Variants in SLC49A4 observed in about 807,000 individuals in gnomAD.
The protein encoded by SLC49A4 is solute carrier family 49 member 4.
A neutral mutation model predicts 50.6 loss-of-function variants in SLC49A4; 36 were observed. The observed-to-expected ratio is 0.71, with a 90% CI of 0.55 to 0.94. SLC49A4 has a LOEUF of 0.94. Ranked by LOEUF, SLC49A4 falls within the 40% of genes least tolerant of loss-of-function variation. The pLI is 0.00. For missense variants in SLC49A4, 503 were observed against 605.7 expected (o/e 0.83, Z 1.78); for synonymous variants, 248 against 241.2 (o/e 1.03, Z -0.26).
chr3:122,825,832 G>A (rs1936518283), intron 2 of SLC49A4, among the ~76,000 whole-genome samples: 1 of 151,934 alleles, frequency 6.6e-6, no homozygotes, highest in East Asian at 1.9e-4. Context: ...CTATTTCAAG[G>A]CAGCTCTTAA....
At position 122,849,349 on chromosome 3, in the gene SLC49A4, G is replaced by T. The variant is rs1338563900; in HGVS notation, c.942+3478G>T. Among the ~76,000 whole-genome samples the T allele has an allele frequency of 3.3e-5, 5 of 152,248 alleles. No individual in the cohort carries two copies. The East Asian group carries it at 9.6e-4, about 29-fold the overall frequency. ...TTCTATTGGGTATATACCCAGAAAT[G>T]GGATTGCTACATCATATGGTAGTTC... On this transcript the variant is annotated intron_variant, in intron 5 of 8. Transcript: ENST00000261038.
chr3:122,870,795 C>T (rs1937186661), intron 7 of SLC49A4, among the ~76,000 whole-genome samples: 1 of 150,836 alleles, frequency 6.6e-6, no homozygotes, highest in Admixed American at 6.6e-5. Context: ...GCCTGGGCAA[C>T]AGAGCAAGAC....
At chr3:122,856,951 C>T (rs1283008534) in intron 6 of SLC49A4, among the ~76,000 whole-genome samples, 2 of 151,804 alleles carry the variant, frequency 1.3e-5, no homozygotes, top group Non-Finnish European at 2.9e-5. Flanking sequence ...TAAGGTGCCT[C>T]TTTCCATATT....
At chr3:122,811,469 T>C (rs974123388) in intron 2 of SLC49A4, among the ~76,000 whole-genome samples, 1 of 152,248 alleles carries the variant, frequency 6.6e-6, no homozygotes, top group Non-Finnish European at 1.5e-5. Context: ...ACTGCTGATG[T>C]GTGAGCAGTT....
intron 3 of SLC49A4, among the ~76,000 whole-genome samples, chr3:122,829,589 C>G (rs1448262348): frequency 6.6e-6 from 1 of 152,142 alleles, no homozygotes. Flanking sequence ...CCCATCTCTA[C>G]TAAAAAGAAA....
chr3:122,823,577 G>A (rs1301624565), intron 2 of SLC49A4, among the ~76,000 whole-genome samples: 1 of 152,122 alleles, frequency 6.6e-6, no homozygotes, highest in Non-Finnish European at 1.5e-5. Context: ...CCAACACATG[G>A]TGACTACTCA....
intron 1 of SLC49A4, among the ~76,000 whole-genome samples, chr3:122,796,416 T>C (rs1936040699): frequency 6.6e-6 from 1 of 152,228 alleles, no homozygotes; most frequent in Non-Finnish European, 1.5e-5. Context: ...GTTGTCTTAG[T>C]CCACTGGAGC....
chr3:122,870,796 AG>A (rs1398056208), intron 7 of SLC49A4, among the ~76,000 whole-genome samples: 11 of 151,166 alleles, frequency 7.3e-5, no homozygotes, highest in Admixed American at 6.6e-4. Flanking sequence ...CCTGGGCAAC[AG>A]AGCAAGACTC....
At chr3:122,860,662 C>G (rs1395513648) in intron 7 of SLC49A4, among the ~76,000 whole-genome samples, 1 of 152,134 alleles carries the variant, frequency 6.6e-6, no homozygotes, top group African/African-American at 2.4e-5. Context: ...ACTGGAAATA[C>G]CTGTTGAAAG....
chr3:122,806,386 T>C (rs1560193948), intron 1 of SLC49A4, among the ~76,000 whole-genome samples: 1 of 152,154 alleles, frequency 6.6e-6, no homozygotes, highest in Non-Finnish European at 1.5e-5. Flanking sequence ...TTTTCTTTTT[T>C]CTTTTTTTGG....
chr3:122,835,305 G>GA, intron 4 of SLC49A4, among the ~76,000 whole-genome samples: 1 of 151,958 alleles, frequency 6.6e-6, no homozygotes, highest in Non-Finnish European at 1.5e-5. Flanking sequence ...ACCAAAACCG[G>GA]AAAAAGACAT....
intron 4 of SLC49A4, among the ~76,000 whole-genome samples, chr3:122,836,606 C>T (rs1936691335): frequency 1.3e-5 from 2 of 152,086 alleles, no homozygotes; most frequent in Admixed American, 6.6e-5. Context: ...TAGAATTCGG[C>T]TGTGAATCCA....
chr3:122,796,773 G>A (rs1381485288), intron 1 of SLC49A4, among the ~76,000 whole-genome samples: 2 of 152,158 alleles, frequency 1.3e-5, no homozygotes, highest in Non-Finnish European at 2.9e-5. Flanking sequence ...ATCCCAGCAC[G>A]TTGGGAGGCT....
chr3:122,862,856 T>C (rs943413287), intron 7 of SLC49A4, among the ~76,000 whole-genome samples: 1 of 152,228 alleles, frequency 6.6e-6, no homozygotes, highest in Non-Finnish European at 1.5e-5. Flanking sequence ...AATCTCTTTT[T>C]TTTGGTCTGG....
At chr3:122,845,940 G>A (rs1398269942) in intron 5 of SLC49A4, 69 bp downstream of exon 5, 4 of 1,181,396 alleles carry the variant, frequency 3.4e-6, no homozygotes, top group East Asian at 2.7e-5. Flanking sequence ...CTGGTTACGT[G>A]TTCTTGGTTT....
Position 122,795,405 on chromosome 3 carries a change from C to G in SLC49A4, c.213C>G (p.Thr71=), listed in dbSNP as rs1576286623. The G allele has an allele frequency of 1.2e-6, 2 of 1,607,742 alleles. No homozygotes were observed. Among genetic ancestry groups the G allele is most frequent in the East Asian group, 4.5e-5 (2 of 44,664 alleles). The change falls in exon 1 of 9, where the codon ACC becomes ACG. Residue 71 remains threonine, a synonymous_variant. Transcript: ENST00000261038. ...TCGTTCAGGGCCTGGTCTGGAACAC[C>G]TGGGGTCCCATCCAGAACTCGGCGC... is the stretch of plus-strand genomic sequence containing the variant. ...LAFVQGLVWN[T]WGPIQNSARQ... is the part of the protein sequence containing the mutation.
chr3:122,848,598 A>T (rs936780957), intron 5 of SLC49A4, among the ~76,000 whole-genome samples: 42 of 152,090 alleles, frequency 2.8e-4, no homozygotes, highest in African/African-American at 9.7e-4. Context: ...GATACCTTCT[A>T]TGTGTTTGTT....
chr3:122,795,159 C>A lies in SLC49A4; in HGVS notation c.-34C>A. On this transcript the variant is annotated 5_prime_UTR_variant, in exon 1 of 9. Coordinates refer to ENST00000261038, the MANE Select transcript of SLC49A4 (RefSeq NM_032839.3). ...GGCTAGTCGGCGGTGACCCGGACTG[C>A]GCCCGGCAGTGGCTTCGCGGGCGAC... 7.6e-7 allele frequency: 1 copy of A among 1,311,654 alleles called. No homozygotes were observed. Among genetic ancestry groups the A allele is most frequent in the Non-Finnish European group, 9.6e-7 (1 of 1,039,484 alleles). The allele number at this position is 1,311,654 out of a possible 1,614,324, so 81.3% of individuals were successfully genotyped here. A position where few individuals can be genotyped will look rare whatever the true frequency, so the allele number is the denominator to read the frequency against.
At chr3:122,846,951 T>C (rs1050455225) in intron 5 of SLC49A4, among the ~76,000 whole-genome samples, 2 of 152,174 alleles carry the variant, frequency 1.3e-5, no homozygotes, top group African/African-American at 4.8e-5. Flanking sequence ...GCTGCACATA[T>C]AAAGGGCAAA....
Sources: gnomAD v4.1 joint callset for allele counts (sites outside exome capture counted in the v4.1 genomes callset) on GRCh38, gnomAD v4.1.1 for gene constraint, MANE v1.5 for transcripts, NCBI Gene and HGNC (gene_info 2026-07-23, HGNC 2026-07-21) for gene names.